GPKOW: variants seen among roughly 807,000 people sequenced by gnomAD.
The protein encoded by GPKOW is G-patch domain and KOW motifs, also known as G-patch domain and KOW motifs-containing protein.
For synonymous variants in GPKOW, 167 were observed against 159.1 expected, an observed-to-expected ratio of 1.05 and a Z score of -0.37; for missense variants, 359 against 404.7, an observed-to-expected ratio of 0.89 and a Z score of 0.97.
At chrX:49,115,476 C>T (rs1425210958) in intron 9 of GPKOW, among the ~76,000 whole-genome samples, 1 of 95,969 alleles carries the variant, frequency 1.0e-5, no homozygotes. Context: ...CACTGCACTC[C>T]AGCCTGGGTG....
chrX:49,118,954 C>CTT (rs781984798), intron 4 of GPKOW, among the ~76,000 whole-genome samples: 2 of 51,167 alleles, frequency 3.9e-5, no homozygotes, highest in African/African-American at 1.2e-4. Context: ...TTTCCTTTTC[C>CTT]TTTTTTTTTT....
chrX:49,119,887 G>GC (rs2065207776), intron 3 of GPKOW, 73 bp from the exon 4 acceptor site: 2 of 588,620 alleles, frequency 3.4e-6, no homozygotes, highest in Non-Finnish European at 2.8e-6. Flanking sequence ...TGCACTTGCT[G>GC]CCCCCCACTG....
chrX:49,117,270 C>T (rs2065196905), intron 5 of GPKOW, 108 bp from the exon 6 acceptor site: 2 of 819,495 alleles, frequency 2.4e-6, no homozygotes, highest in Admixed American at 5.3e-5. Flanking sequence ...CCTCTGTCTC[C>T]CCAACCAGAC....
Position 49,117,813 on chromosome X carries a change from G to A in GPKOW, c.567-3C>T, listed in dbSNP as rs1014118832. On this transcript the variant is annotated splice_region_variant and splice_polypyrimidine_tract_variant and intron_variant, in intron 4 of 10. Transcript: ENST00000156109. ...AGTTGACACGGGGCTTCACTACTCT[G>A]CAGGGAGGAATATGGGTTTGTTGGA... The A allele has an allele frequency of 1.7e-6, 2 of 1,147,107 alleles. No homozygotes were observed. Among genetic ancestry groups the A allele is most frequent in the African/African-American group, 3.6e-5 (2 of 56,122 alleles). 94.5% of individuals were successfully genotyped at this position (1,147,107 alleles called of 1,213,427 possible).
chrX:49,118,530 G>A (rs2065201887), intron 4 of GPKOW, among the ~76,000 whole-genome samples: 1 of 108,819 alleles, frequency 9.2e-6, no homozygotes, highest in African/African-American at 3.3e-5. Context: ...CCTAAGGTCA[G>A]GAGTTCAAGA....
chrX:49,119,718 G>T lies in GPKOW; in HGVS notation c.553C>A (p.Arg185Ser). 8.5e-7 allele frequency: 1 copy of T among 1,178,451 alleles called. No individual in the cohort carries two copies. The highest frequency in any genetic ancestry group is 1.2e-6 in the Non-Finnish European group (1 of 865,992). Residue 185 changes from arginine (R) to serine (S), a missense_variant, in exon 4 of 11, where the codon CGC (arginine) becomes AGC (serine). By Grantham distance (110) the Arg-to-Ser change is moderately radical. Coordinates refer to ENST00000156109, the MANE Select transcript of GPKOW (RefSeq NM_015698.6). Reference sequence around the variant, plus strand: ...CCCAGAACTCACTGATTGAAGGTGCGGCCGATGCCCTCGCCAGGTTTCCAG... The same window carrying T: ...CCCAGAACTCACTGATTGAAGGTGCTGCCGATGCCCTCGCCAGGTTTCCAG... Reference protein sequence around the residue: ...MGWKPGEGIGRTFNQVVKPRV... With the variant: ...MGWKPGEGIGSTFNQVVKPRV...
Position 49,117,635 on chromosome X carries a change from C to T in GPKOW, c.742G>A (p.Val248Met). 8.3e-7 allele frequency: 1 copy of T among 1,210,962 alleles called. No homozygotes were observed. Among genetic ancestry groups the T allele is most frequent in the Non-Finnish European group, 1.1e-6 (1 of 894,551 alleles). Residue 248 changes from valine (V) to methionine (M), a missense_variant, in exon 5 of 11, where the codon GTG becomes ATG. Val to Met is a conservative substitution (Grantham distance 21). Transcript: ENST00000156109. ...PQGLVPGGAVVVLSGPHRGLY... is the reference protein window; with the variant it reads ...PQGLVPGGAVMVLSGPHRGLY... The stretch of plus-strand genomic sequence containing the variant: ...CCTCGGTGAGGGCCAGAAAGAACCA[C>T]CACAGCTCCTCCAGGCACCAGCCCT...
At chrX:49,117,285 AC>A in intron 5 of GPKOW, 123 bp from the exon 6 acceptor site, 1 of 722,360 alleles carries the variant, frequency 1.4e-6, no homozygotes, top group African/African-American at 2.1e-5. Flanking sequence ...CCAGACTCTG[AC>A]CCCTGAGAAG....
chrX:49,119,496 A>G (rs1299085970), intron 4 of GPKOW, among the ~76,000 whole-genome samples: 1 of 111,959 alleles, frequency 8.9e-6, no homozygotes, highest in East Asian at 2.8e-4. Context: ...TGATGTCCCT[A>G]GAGGCAAACT....
chrX:49,117,604 T>A lies in GPKOW; in HGVS notation c.773A>T (p.Tyr258Phe). Reference sequence around the variant, plus strand: ...GATATCTTGGTTCCTTACCTTCCCATAGAGGCCTCGGTGAGGGCCAGAAAG... The same window carrying A: ...GATATCTTGGTTCCTTACCTTCCCAAAGAGGCCTCGGTGAGGGCCAGAAAG... ...VVLSGPHRGL[Y>F]GKVEGLDPDN... The change falls in exon 5 of 11, where the codon TAT becomes TTT. Residue 258 changes from tyrosine (Y) to phenylalanine (F), a missense_variant. Physicochemically the swap from Tyr to Phe is conservative, Grantham distance 22. Transcript: ENST00000156109. 8.3e-7 allele frequency: 1 copy of A among 1,203,036 alleles called. No individual in the cohort carries two copies. The highest frequency in any genetic ancestry group is 1.1e-6 in the Non-Finnish European group (1 of 887,514).
chrX:49,121,661 C>T (rs915521053), intron 3 of GPKOW, among the ~76,000 whole-genome samples: 1 of 110,544 alleles, frequency 9.0e-6, no homozygotes, highest in African/African-American at 3.3e-5. Context: ...CTCTTGTCAC[C>T]TCCCATCATC....
rs1225360281 is a variant in GPKOW at position 49,116,321 on chromosome X, G to C, written c.916C>G (p.Gln306Glu). The C allele has an allele frequency of 8.5e-7, 1 of 1,173,672 alleles. No homozygotes were observed. The highest frequency in any genetic ancestry group is 1.8e-5 in the African/African-American group (1 of 55,830). ...EFDKNTLDLR[Q>E]QNGTASSRKT... ...CGTGATGAGGCAGTTCCGTTCTGTTGCCCTGGGGAAGGAAGTTTTGCTCAT... is the reference window on the plus strand; with the variant it reads ...CGTGATGAGGCAGTTCCGTTCTGTTCCCCTGGGGAAGGAAGTTTTGCTCAT... The change falls in exon 7 of 11, where the codon CAA (glutamine) becomes GAA (glutamate). Residue 306 changes from glutamine to glutamate, a missense_variant and splice_region_variant. Gln to Glu is a conservative substitution (Grantham distance 29). Coordinates refer to ENST00000156109, the MANE Select transcript of GPKOW (RefSeq NM_015698.6).
intron 4 of GPKOW, among the ~76,000 whole-genome samples, chrX:49,118,801 T>G (rs1335499488): frequency 9.4e-6 from 1 of 106,008 alleles, no homozygotes; most frequent in Non-Finnish European, 1.9e-5. Context: ...GCCAATGGGT[T>G]ATGAAAAAAT....
At chrX:49,122,124 C>T (rs782177154) in intron 3 of GPKOW, among the ~76,000 whole-genome samples, 14 of 112,189 alleles carry the variant, frequency 1.2e-4, no homozygotes, top group Non-Finnish European at 2.3e-4. Flanking sequence ...CTTGGTGTTC[C>T]GCAAACACTT....
At chrX:49,113,977 G>T in intron 9 of GPKOW, 39 bp from the exon 10 acceptor site, 1 of 989,839 alleles carries the variant, frequency 1.0e-6, no homozygotes, top group Non-Finnish European at 1.4e-6. Flanking sequence ...CCACAGCAAG[G>T]ACCAGCCCAA....
intron 9 of GPKOW, among the ~76,000 whole-genome samples, chrX:49,114,922 C>CAAAAA (rs1169588195): frequency 6.1e-4 from 28 of 45,588 alleles, no homozygotes; most frequent in African/African-American, 3.4e-3. Flanking sequence ...GACTCTGTTT[C>CAAAAA]AAAAAAAAAA....
chrX:49,115,748 T>TGTC lies in GPKOW; in HGVS notation c.1185_1187dup (p.Thr396dup). ...CACCTTCCAGGACTCGGCCTTCATCTGTCCGACATACACAGGTATCTGGGC... is the reference window on the plus strand; with the variant it reads ...CACCTTCCAGGACTCGGCCTTCATCTGTCGTCCGACATACACAGGTATCTGGGC... On this transcript the variant is annotated inframe_insertion, in exon 9 of 11. Transcript: ENST00000156109. 8.3e-7 allele frequency: 1 copy of TGTC among 1,207,940 alleles called. No homozygotes were observed. Among genetic ancestry groups the TGTC allele is most frequent in the Non-Finnish European group, 1.1e-6 (1 of 892,054 alleles).
At chrX:49,121,542 G>A (rs1199725382) in intron 3 of GPKOW, among the ~76,000 whole-genome samples, 2 of 111,348 alleles carry the variant, frequency 1.8e-5, no homozygotes, top group Non-Finnish European at 3.8e-5. Context: ...AGAAGAACTA[G>A]ACTCAAAAGA....
In GPKOW at chrX:49,113,929, T is replaced by C; in HGVS notation, c.1220A>G (p.Glu407Gly). Reference sequence around the variant, plus strand: ...GGGAACCAGGGTCTCCAGCATGTCTTCCCTCAGGCCTATGGATAAGGGAGA... The same window carrying C: ...GGGAACCAGGGTCTCCAGCATGTCTCCCCTCAGGCCTATGGATAAGGGAGA... ...DEGRVLEGLR[E>G]DMLETLVPKA... is the part of the protein sequence containing the mutation. Residue 407 changes from glutamate to glycine, a missense_variant, in exon 10 of 11, where the codon GAA (glutamate) becomes GGA (glycine). By Grantham distance (98) the Glu-to-Gly change is moderately conservative. Transcript: ENST00000156109. 8.4e-7 allele frequency: 1 copy of C among 1,193,034 alleles called. No homozygotes were observed. The highest frequency in any genetic ancestry group is 1.1e-6 in the Non-Finnish European group (1 of 878,941).
Sources: allele counts gnomAD v4.1 joint callset (sites outside exome capture counted in the v4.1 genomes callset), GRCh38; gene constraint gnomAD v4.1.1; transcripts MANE v1.5; gene names NCBI Gene and HGNC (gene_info 2026-07-23, HGNC 2026-07-21).